SLC24A2: variants seen among roughly 807,000 people sequenced by gnomAD.
The protein encoded by SLC24A2 is solute carrier family 24 member 2.
SLC24A2 carries 36 observed loss-of-function variants against 62.0 expected under a neutral mutation model. The ratio of observed to expected loss-of-function variants is 0.58; its 90% CI spans 0.44 to 0.77. The LOEUF (loss-of-function observed/expected upper bound fraction) is 0.77, where lower values mean the gene tolerates loss of function less well. Ranked by LOEUF, SLC24A2 falls within the 30% of genes least tolerant of loss-of-function variation. The probability of loss-of-function intolerance (pLI) is 0.00; values close to 1 mark genes in which losing one functional copy is unlikely to be tolerated. For missense variants in SLC24A2, 846 were observed against 817.9 expected (o/e 1.03, Z -0.42); for synonymous variants, 358 against 294.0 (o/e 1.22, Z -2.23).
At chr9:20,260,841 C>CCT in the SLC24A2 span, among the ~76,000 whole-genome samples, 1 of 105,456 alleles carries the variant, frequency 9.5e-6, no homozygotes, top group South Asian at 4.8e-4. Flanking sequence ...TCCAACGTAT[C>CCT]ATTCTTTCTT....
intron 4 of SLC24A2, 59 bp from the exon 5 acceptor site, chr9:19,597,338 GT>G: frequency 8.9e-7 from 1 of 1,129,048 alleles, no homozygotes; most frequent in Non-Finnish European, 1.4e-6. Context: ...CAAGAACTTT[GT>G]TTTTACACAT....
chr9:20,271,059 C>A, the SLC24A2 span, among the ~76,000 whole-genome samples: 1 of 152,162 alleles, frequency 6.6e-6, no homozygotes, highest in Non-Finnish European at 1.5e-5. Context: ...CAAAGCAGCA[C>A]CATCCTCTTC....
At chr9:20,272,997 T>G in the SLC24A2 span, among the ~76,000 whole-genome samples, 2,418 of 152,302 alleles carry the variant, frequency 0.016, 72 homozygotes, top group African/African-American at 0.054. Flanking sequence ...CTAGGTCACA[T>G]GCCCACATCC....
At chr9:19,981,923 G>C in the SLC24A2 span, among the ~76,000 whole-genome samples, 2 of 152,172 alleles carry the variant, frequency 1.3e-5, no homozygotes, top group Admixed American at 1.3e-4. Context: ...TACCCACTAT[G>C]AGATTAACCA....
At chr9:20,248,917 T>C in the SLC24A2 span, among the ~76,000 whole-genome samples, 1 of 152,190 alleles carries the variant, frequency 6.6e-6, no homozygotes, top group South Asian at 2.1e-4. Flanking sequence ...TTCATGGTTC[T>C]TCCTGGTCCT....
At chr9:20,111,995 A>T in the SLC24A2 span, among the ~76,000 whole-genome samples, 1 of 152,220 alleles carries the variant, frequency 6.6e-6, no homozygotes, top group African/African-American at 2.4e-5. Flanking sequence ...GCTTCCAGAT[A>T]TAGTTTTGAA....
chr9:20,153,803 T>C, the SLC24A2 span, among the ~76,000 whole-genome samples: 6 of 152,020 alleles, frequency 3.9e-5, no homozygotes, highest in African/African-American at 1.4e-4. Context: ...CTGCATTGTT[T>C]TGGAATATAG....
chr9:20,048,332 A>G, the SLC24A2 span, among the ~76,000 whole-genome samples: 1 of 152,212 alleles, frequency 6.6e-6, no homozygotes, highest in Admixed American at 6.5e-5. Context: ...AAGTCAAATG[A>G]GAAGGCAATA....
At chr9:19,775,360 C>T (rs1372162102) in intron 2 of SLC24A2, among the ~76,000 whole-genome samples, 1 of 152,216 alleles carries the variant, frequency 6.6e-6, no homozygotes, top group African/African-American at 2.4e-5. Flanking sequence ...CCAAGAATGA[C>T]TGGAGGCTCA....
chr9:20,278,100 G>T, the SLC24A2 span, among the ~76,000 whole-genome samples: 1 of 151,740 alleles, frequency 6.6e-6, no homozygotes, highest in African/African-American at 2.4e-5. Flanking sequence ...GTTGGGGGAG[G>T]GGGAGGGATA....
intron 9 of SLC24A2, among the ~76,000 whole-genome samples, chr9:19,522,935 T>G (rs1833268808): frequency 1.3e-5 from 2 of 152,250 alleles, no homozygotes; most frequent in Admixed American, 6.5e-5. Flanking sequence ...GAGCAGATGC[T>G]GACTAAACAA....
At chr9:20,117,995 T>C in the SLC24A2 span, among the ~76,000 whole-genome samples, 2 of 152,096 alleles carry the variant, frequency 1.3e-5, no homozygotes, top group Non-Finnish European at 2.9e-5. Context: ...AGGGCTCAAG[T>C]CTTACCACCT....
chr9:19,686,722 G>A (rs1819892462), intron 2 of SLC24A2, among the ~76,000 whole-genome samples: 1 of 152,098 alleles, frequency 6.6e-6, no homozygotes, highest in African/African-American at 2.4e-5. Flanking sequence ...AGTTTTCCAA[G>A]GCCTCCCCAG....
the SLC24A2 span, among the ~76,000 whole-genome samples, chr9:20,249,029 T>G: frequency 6.6e-6 from 1 of 152,158 alleles, no homozygotes; most frequent in African/African-American, 2.4e-5. Context: ...GCCAAACTTA[T>G]TCTCAAGACA....
chr9:20,269,676 C>G, the SLC24A2 span, among the ~76,000 whole-genome samples: 4 of 152,190 alleles, frequency 2.6e-5, no homozygotes, highest in Non-Finnish European at 4.4e-5. Flanking sequence ...CCGACCCTCA[C>G]CAAGATTTTT....
chr9:19,635,074 G>C (rs1450154282), intron 2 of SLC24A2, among the ~76,000 whole-genome samples: 1 of 152,168 alleles, frequency 6.6e-6, no homozygotes, highest in Non-Finnish European at 1.5e-5. Context: ...CGGAAATTGT[G>C]CACTACTGAA....
At chr9:19,549,257 C>T (rs1834728284) in intron 8 of SLC24A2, among the ~76,000 whole-genome samples, 1 of 152,192 alleles carries the variant, frequency 6.6e-6, no homozygotes, top group Admixed American at 6.5e-5. Context: ...CCCTTCTTAC[C>T]TTCTCAGAGA....
At chr9:20,024,666 G>A in the SLC24A2 span, among the ~76,000 whole-genome samples, 5 of 152,214 alleles carry the variant, frequency 3.3e-5, 1 homozygote, top group East Asian at 7.7e-4. Flanking sequence ...ATGAAAATAC[G>A]TGTGTGTGTG....
At chr9:19,799,697 A>G in the SLC24A2 span, among the ~76,000 whole-genome samples, 1 of 152,218 alleles carries the variant, frequency 6.6e-6, no homozygotes, top group Admixed American at 6.5e-5. Flanking sequence ...CTCGTAATGA[A>G]GTCTAATAGA....
Sources: gnomAD v4.1 joint callset for allele counts (sites outside exome capture counted in the v4.1 genomes callset) on GRCh38, gnomAD v4.1.1 for gene constraint, MANE v1.5 for transcripts, NCBI Gene and HGNC (gene_info 2026-07-23, HGNC 2026-07-21) for gene names.